The following DOCK2 variants were observed in gnomAD, a reference collection of about 807,000 sequenced individuals.
DOCK2 encodes dedicator of cytokinesis protein 2.
Under a neutral mutation model 248.9 loss-of-function variants are expected in DOCK2, and 87 were observed. The observed-to-expected ratio is 0.35, with a 90% CI of 0.29 to 0.42. The LOEUF (loss-of-function observed/expected upper bound fraction) is 0.42. Among genes scored for constraint, DOCK2 ranks in the 10% least tolerant of loss-of-function variants. The pLI, the probability that DOCK2 is intolerant of heterozygous loss-of-function variation, is 1.00. For missense variants in DOCK2, 1,747 were observed against 2,300.2 expected (o/e 0.76, Z 4.92); for synonymous variants, 805 against 821.6 (o/e 0.98, Z 0.35).
chr5:169,832,601 A>G lies in DOCK2; in HGVS notation c.2704-8156A>G, dbSNP rs1045642146. Among the ~76,000 whole-genome samples the G allele has an allele frequency of 4.6e-5, 7 of 152,390 alleles. 1 individual carries two copies. In the Middle Eastern group the frequency reaches 0.014, roughly 296 times the overall value. Reference sequence around the variant, plus strand: ...CAGTTCAAACAGGAAGAAAGAAGACAGCACTAAACCTAGAACTCATGCAAA... The same window carrying G: ...CAGTTCAAACAGGAAGAAAGAAGACGGCACTAAACCTAGAACTCATGCAAA... On this transcript the variant is annotated intron_variant, in intron 26 of 51. Transcript: ENST00000520908.
chr5:169,812,957 G>C (rs960241493), intron 26 of DOCK2, among the ~76,000 whole-genome samples: 2 of 152,264 alleles, frequency 1.3e-5, no homozygotes, highest in African/African-American at 2.4e-5. Context: ...AAGGCTTGCC[G>C]GGAAGCGGCA....
At chr5:170,075,432 C>T (rs574249364) in intron 46 of DOCK2, 1 of 153,282 alleles carries the variant, frequency 6.5e-6, no homozygotes, top group African/African-American at 2.4e-5. Flanking sequence ...ACATTCATAT[C>T]CTTCTTCAGC....
intron 44 of DOCK2, among the ~76,000 whole-genome samples, chr5:170,059,583 A>G (rs914803148): frequency 2.0e-5 from 3 of 152,198 alleles, no homozygotes; most frequent in African/African-American, 7.2e-5. Context: ...TATTTTTAAT[A>G]TTAAGAGAAT....
chr5:169,878,436 A>G (rs1034875693), intron 27 of DOCK2, among the ~76,000 whole-genome samples: 1 of 152,256 alleles, frequency 6.6e-6, no homozygotes, highest in Non-Finnish European at 1.5e-5. Flanking sequence ...AGTATTTAAA[A>G]GGACTAGTTT....
chr5:170,078,893 C>T (rs1757929632), intron 48 of DOCK2, 82 bp from the exon 49 acceptor site: 3 of 1,532,788 alleles, frequency 2.0e-6, no homozygotes, highest in African/African-American at 1.4e-5. Context: ...CCAAAGGTCC[C>T]CTTCAGCTTC....
chr5:169,886,566 A>G (rs1001562807), intron 27 of DOCK2, among the ~76,000 whole-genome samples: 2 of 152,208 alleles, frequency 1.3e-5, no homozygotes, highest in Non-Finnish European at 2.9e-5. Context: ...CATTAATAGT[A>G]ACAAATATGT....
chr5:170,036,483 A>G (rs373757442), intron 35 of DOCK2, 32 bp from the exon 36 acceptor site: 1 of 1,609,826 alleles, frequency 6.2e-7, no homozygotes, highest in Non-Finnish European at 8.5e-7. Flanking sequence ...GCAGAGAACA[A>G]CACTCATCAT....
intron 30 of DOCK2, among the ~76,000 whole-genome samples, chr5:170,004,747 A>G (rs1161389685): frequency 2.7e-5 from 4 of 147,352 alleles, no homozygotes; most frequent in African/African-American, 1.0e-4. Flanking sequence ...ATAAAAAATG[A>G]TGAGTTCATG....
intron 27 of DOCK2, among the ~76,000 whole-genome samples, chr5:169,972,442 A>AT (rs1295510932): frequency 1.3e-5 from 2 of 151,854 alleles, no homozygotes; most frequent in Non-Finnish European, 2.9e-5. Flanking sequence ...TAACCAATAG[A>AT]TGTCAGTAGC....
chr5:169,714,981 A>G (rs922645558), intron 19 of DOCK2, among the ~76,000 whole-genome samples: 137 of 152,074 alleles, frequency 9.0e-4, no homozygotes, highest in African/African-American at 3.3e-3. Context: ...GTATATATAC[A>G]TATATATATA....
intron 44 of DOCK2, among the ~76,000 whole-genome samples, chr5:170,066,255 T>G (rs2113866705): frequency 6.6e-6 from 1 of 152,206 alleles, no homozygotes; most frequent in East Asian, 1.9e-4. Context: ...CTATATTTAT[T>G]TCAGACAAAG....
At chr5:170,063,721 A>G (rs55915029) in intron 44 of DOCK2, among the ~76,000 whole-genome samples, 38,146 of 152,090 alleles carry the variant, frequency 0.25, 5,356 homozygotes, top group African/African-American at 0.37. Context: ...TCTTAAGGAT[A>G]TAGCTCTGGG....
At chr5:169,681,709 CT>C in intron 6 of DOCK2, 34 bp from the exon 7 acceptor site, 1 of 1,608,310 alleles carries the variant, frequency 6.2e-7, no homozygotes, top group Non-Finnish European at 8.5e-7. Flanking sequence ...AAGTTCTCCC[CT>C]GATTTGTCTT....
chr5:169,982,948 C>T, intron 27 of DOCK2, 120 bp from the exon 28 acceptor site: 1 of 923,172 alleles, frequency 1.1e-6, no homozygotes, highest in Non-Finnish European at 1.7e-6. Flanking sequence ...GTCCCAGGCA[C>T]ATAATAGTAC....
chr5:170,029,261 A>G (rs1756039253), intron 34 of DOCK2, among the ~76,000 whole-genome samples: 1 of 152,228 alleles, frequency 6.6e-6, no homozygotes. Flanking sequence ...CTTATTGATT[A>G]CAGCCACCCC....
chr5:169,911,226 A>G (rs1458250836), intron 27 of DOCK2, among the ~76,000 whole-genome samples: 3 of 152,168 alleles, frequency 2.0e-5, no homozygotes, highest in Non-Finnish European at 4.4e-5. Context: ...GAAACAGAGG[A>G]TAAGAAAAAA....
chr5:169,954,325 T>A (rs992302563), intron 27 of DOCK2, among the ~76,000 whole-genome samples: 1 of 152,262 alleles, frequency 6.6e-6, no homozygotes, highest in African/African-American at 2.4e-5. Flanking sequence ...TTTATGAACA[T>A]CAAACTTAAC....
At chr5:169,714,321 C>A (rs745772792) in intron 18 of DOCK2, 39 bp from the exon 19 acceptor site, 1 of 1,613,280 alleles carries the variant, frequency 6.2e-7, no homozygotes, top group Admixed American at 1.7e-5. Flanking sequence ...GACAGTTAGG[C>A]CAGTAATGAT....
intron 30 of DOCK2, 145 bp from the exon 31 acceptor site, chr5:170,008,352 G>A: frequency 1.3e-6 from 1 of 774,116 alleles, no homozygotes; most frequent in South Asian, 1.7e-5. Context: ...CAGAGTCAGT[G>A]CCAGTTAGAA....
Sources: allele counts gnomAD v4.1 joint callset (sites outside exome capture counted in the v4.1 genomes callset), GRCh38; gene constraint gnomAD v4.1.1; transcripts MANE v1.5; gene names NCBI Gene and HGNC (gene_info 2026-07-23, HGNC 2026-07-21).